TMEM119: variants seen among roughly 807,000 people sequenced by gnomAD.
TMEM119 encodes the protein transmembrane protein 119.
For synonymous variants in TMEM119, 182 were observed against 176.4 expected (o/e 1.03, Z -0.25); for missense variants, 410 against 381.0 (o/e 1.08, Z -0.63).
At chr12:108,597,858 A>G (rs2031530701) in intron 1 of TMEM119, 112 bp downstream of exon 1, 1 of 152,722 alleles carries the variant, frequency 6.5e-6, no homozygotes, top group African/African-American at 2.4e-5. Context: ...ACACACACTC[A>G]AAGCCCACAC....
In TMEM119 at chr12:108,592,318, A is replaced by G. The variant is rs1426565498; in HGVS notation, c.66T>C (p.Ala22=). Residue 22 remains alanine (A), a synonymous_variant, in exon 2 of 2, where the codon GCT becomes GCC. Transcript: ENST00000392806. The surrounding 1 kb of genome is among the most constrained non-coding windows in gnomAD (Gnocchi z 4.3). ...LLLLLLGSVP[A]TDARSVPLKA... ...TCAGGGGCACAGAGCGGGCGTCGGTAGCAGGCACAGACCCCAGGAGCAGCA... is the reference window on the plus strand; with the variant it reads ...TCAGGGGCACAGAGCGGGCGTCGGTGGCAGGCACAGACCCCAGGAGCAGCA... The G allele has an allele frequency of 6.3e-7, 1 of 1,598,046 alleles. No individual in the cohort carries two copies. The highest frequency in any genetic ancestry group is 8.5e-7 in the Non-Finnish European group (1 of 1,176,768).
chr12:108,591,267 C>T lies in TMEM119; in HGVS notation c.*265G>A. 2 of 407,142 alleles carry T rather than the reference C, an allele frequency of 4.9e-6. No individual in the cohort carries two copies. Among genetic ancestry groups the T allele is most frequent in the Non-Finnish European group, 4.3e-6 (1 of 230,814 alleles). The allele number at this position is 407,142 out of a possible 1,614,324, so 25.2% of individuals were successfully genotyped here. A position where few individuals can be genotyped will look rare whatever the true frequency, so the allele number is the denominator to read the frequency against. On this transcript the variant is annotated 3_prime_UTR_variant, in exon 2 of 2. Coordinates refer to ENST00000392806, the MANE Select transcript of TMEM119 (RefSeq NM_181724.3). This position sits in a 1 kb window ranked among gnomAD's most constrained non-coding sequence, Gnocchi z 4.2. ...TGGCTGTCACAGGGACACGTGCCCT[C>T]CCTCACTTTGTCAGGGGAGCTGTGC...
At position 108,590,015 on chromosome 12, in the gene TMEM119, TG is replaced by T. The variant is rs2031359538; in HGVS notation, c.*1516del. The T allele has an allele frequency of 6.6e-6, 1 of 152,216 alleles. No homozygotes were observed. The highest frequency in any genetic ancestry group is 2.1e-4 in the South Asian group (1 of 4,826). 9.4% of individuals were successfully genotyped at this position (152,216 alleles called of 1,614,324 possible). A position where few individuals can be genotyped will look rare whatever the true frequency, so the allele number is the denominator to read the frequency against. Reference sequence around the variant, plus strand: ...CTCCCTGTCGAGGACTGACGAATATTGTGGACACAGGCTGCCAGACAATGTG... The same window carrying T: ...CTCCCTGTCGAGGACTGACGAATATTTGGACACAGGCTGCCAGACAATGTG... On this transcript the variant is annotated 3_prime_UTR_variant, in exon 2 of 2. Transcript: ENST00000392806.
rs528443188 is a variant in TMEM119 at position 108,592,243 on chromosome 12, C to A, written c.141G>T (p.Ser47=). The A allele has an allele frequency of 1.9e-5, 30 of 1,602,988 alleles. No individual in the cohort carries two copies. Among genetic ancestry groups the A allele is most frequent in the Admixed American group, 1.5e-4 (9 of 58,896 alleles). ...DVAGSGEAEG[S]SASSPSLPPP... Reference sequence around the variant, plus strand: ...GCGGGAGGCTCGGGGAGGAGGCCGACGAGCCCTCGGCCTCCCCACTACCCG... The same window carrying A: ...GCGGGAGGCTCGGGGAGGAGGCCGAAGAGCCCTCGGCCTCCCCACTACCCG... The change falls in exon 2 of 2, where the codon TCG becomes TCT. Residue 47 remains serine (S), a synonymous_variant. Transcript: ENST00000392806. The surrounding 1 kb of genome is among the most constrained non-coding windows in gnomAD (Gnocchi z 4.3).
Position 108,591,499 on chromosome 12 carries a change from C to A in TMEM119, c.*33G>T. ...CACGGGGAGGTGACCACTTGGGGGC[C>A]CGACAGTCAGGGCTGGCAGCCCGGG... On this transcript the variant is annotated 3_prime_UTR_variant, in exon 2 of 2. Transcript: ENST00000392806. The surrounding 1 kb of genome is among the most constrained non-coding windows in gnomAD (Gnocchi z 4.2). 6.5e-7 allele frequency: 1 copy of A among 1,539,646 alleles called. No homozygotes were observed. Among genetic ancestry groups the A allele is most frequent in the South Asian group, 1.2e-5 (1 of 80,216 alleles).
intron 1 of TMEM119, among the ~76,000 whole-genome samples, chr12:108,595,391 T>A (rs1451894897): frequency 7.8e-6 from 1 of 128,094 alleles, no homozygotes; most frequent in Non-Finnish European, 1.6e-5. Context: ...CACACAACCA[T>A]GCACACACAT....
Position 108,593,953 on chromosome 12 carries a change from G to T in TMEM119, c.-14-1556C>A, listed in dbSNP as rs555401384. On this transcript the variant is annotated intron_variant, in intron 1 of 1. Transcript: ENST00000392806. ...GGTCTAGAAGCTTCAACACAGAAAA[G>T]CCTTAGGATCTCCTGTCCTGAGGCC... Among the ~76,000 whole-genome samples, 20 of 152,326 alleles carry T rather than the reference G, an allele frequency of 1.3e-4. No homozygotes were observed. The South Asian group carries it at 3.9e-3, about 30-fold the overall frequency.
intron 1 of TMEM119, among the ~76,000 whole-genome samples, chr12:108,595,176 T>G (rs975081035): frequency 2.0e-5 from 3 of 151,930 alleles, no homozygotes; most frequent in African/African-American, 7.3e-5. Context: ...TACACGCACA[T>G]TCACACAAAC....
At chr12:108,593,078 C>T (rs534452940) in intron 1 of TMEM119, among the ~76,000 whole-genome samples, 85 of 152,278 alleles carry the variant, frequency 5.6e-4, no homozygotes, top group African/African-American at 1.9e-3. Flanking sequence ...AGTGGCTCCG[C>T]GCGGCCACAA....
chr12:108,591,579 G>T lies in TMEM119; in HGVS notation c.805C>A (p.Pro269Thr). 6.2e-7 allele frequency: 1 copy of T among 1,612,904 alleles called. No homozygotes were observed. The highest frequency in any genetic ancestry group is 2.2e-5 in the East Asian group (1 of 44,882). Reference sequence around the variant, plus strand: ...CTGCAAGCACAGGGGCTTTCGGGGGGACCCACTGGTCCCTGGGCTTCCTGG... The same window carrying T: ...CTGCAAGCACAGGGGCTTTCGGGGGTACCCACTGGTCCCTGGGCTTCCTGG... ...LAQEAQGPVG[P>T]PESPCACSSV... The change falls in exon 2 of 2, where the codon CCC (proline) becomes ACC (threonine). Residue 269 changes from proline to threonine, a missense_variant. Coordinates refer to ENST00000392806, the MANE Select transcript of TMEM119 (RefSeq NM_181724.3). The surrounding 1 kb of genome is among the most constrained non-coding windows in gnomAD (Gnocchi z 4.2).
intron 1 of TMEM119, among the ~76,000 whole-genome samples, chr12:108,597,062 G>T (rs2031515493): frequency 6.6e-6 from 1 of 152,234 alleles, no homozygotes; most frequent in Non-Finnish European, 1.5e-5. Flanking sequence ...ATGCGGCCAT[G>T]CCTGGTGCAC....
Position 108,592,532 on chromosome 12 carries a change from T to G in TMEM119, c.-14-135A>C. ...GCAAGTCCCTTCCATTCCCAGGGCC[T>G]GAGCCCCGCTGGTTCAGCTGTGGAG... On this transcript the variant is annotated intron_variant, in intron 1 of 1. Transcript: ENST00000392806. The surrounding 1 kb of genome is among the most constrained non-coding windows in gnomAD (Gnocchi z 4.3). 2.0e-6 allele frequency: 2 copies of G among 988,678 alleles called. No homozygotes were observed. The highest frequency in any genetic ancestry group is 1.4e-6 in the Non-Finnish European group (1 of 692,138). The allele number at this position is 988,678 out of a possible 1,614,324, so 61.2% of individuals were successfully genotyped here.
rs1348081860 is a variant in TMEM119, at chr12:108,590,587, C to T, written c.*945G>A. On this transcript the variant is annotated 3_prime_UTR_variant, in exon 2 of 2. Transcript: ENST00000392806. ...TGGTGGGCACCTGTAATCCCAGCTA[C>T]TGAGGCGGGAGAATCGCTTGAACCT... 1.3e-5 allele frequency: 2 copies of T among 152,202 alleles called. No homozygotes were observed. The highest frequency in any genetic ancestry group is 1.3e-4 in the Admixed American group (2 of 15,286). 9.4% of individuals were successfully genotyped at this position (152,202 alleles called of 1,614,324 possible).
At position 108,591,671 on chromosome 12, in the gene TMEM119, C is replaced by G. The variant is rs1364755265; in HGVS notation, c.713G>C (p.Gly238Ala). The G allele has an allele frequency of 6.2e-7, 1 of 1,613,988 alleles. No individual in the cohort carries two copies. The highest frequency in any genetic ancestry group is 2.2e-5 in the East Asian group (1 of 44,858). ...TPEAQEEPCS[G>A]VLEGAVVAGE... ...GGCCACCACAGCCCCCTCAAGGACC[C>G]CTGAGCACGGCTCCTCCTGCGCCTC... The change falls in exon 2 of 2, where the codon GGG (glycine) becomes GCG (alanine). Residue 238 changes from glycine to alanine, a missense_variant. Transcript: ENST00000392806. This position sits in a 1 kb window ranked among gnomAD's most constrained non-coding sequence, Gnocchi z 4.2.
Position 108,590,368 on chromosome 12 carries a change from G to A in TMEM119, c.*1164C>T, listed in dbSNP as rs2031367024. 6.6e-6 allele frequency: 1 copy of A among 152,202 alleles called. No individual in the cohort carries two copies. The highest frequency in any genetic ancestry group is 6.5e-5 in the Admixed American group (1 of 15,278). 9.4% of individuals were successfully genotyped at this position (152,202 alleles called of 1,614,324 possible). A position where few individuals can be genotyped will look rare whatever the true frequency, so the allele number is the denominator to read the frequency against. On this transcript the variant is annotated 3_prime_UTR_variant, in exon 2 of 2. Transcript: ENST00000392806. ...AATTAAGAGCAGTATTTTCCAGAGTGGGTGCTGCAGGATTTTACCCTGTAG... is the reference window on the plus strand; with the variant it reads ...AATTAAGAGCAGTATTTTCCAGAGTAGGTGCTGCAGGATTTTACCCTGTAG...
rs2031383752 is a variant in TMEM119, at chr12:108,591,016, A to G, written c.*516T>C. On this transcript the variant is annotated 3_prime_UTR_variant, in exon 2 of 2. Transcript: ENST00000392806. The surrounding 1 kb of genome is among the most constrained non-coding windows in gnomAD (Gnocchi z 4.2). ...CTCCCACTTATTCTTTGCTCCCTTGATGGAAAAGCAGTGATGTTTGCCCCA... is the reference window on the plus strand; with the variant it reads ...CTCCCACTTATTCTTTGCTCCCTTGGTGGAAAAGCAGTGATGTTTGCCCCA... 2 of 152,574 alleles carry G rather than the reference A, an allele frequency of 1.3e-5. No individual in the cohort carries two copies. The highest frequency in any genetic ancestry group is 1.3e-4 in the Admixed American group (2 of 15,290). 9.5% of individuals were successfully genotyped at this position (152,574 alleles called of 1,614,324 possible).
chr12:108,595,480 C>A (rs1243062356), intron 1 of TMEM119, among the ~76,000 whole-genome samples: 1 of 150,892 alleles, frequency 6.6e-6, no homozygotes, highest in Admixed American at 6.6e-5. Context: ...GCACACACAC[C>A]CCACACACAA....
In TMEM119 at chr12:108,591,652, C is replaced by T. The variant is rs755524100; in HGVS notation, c.732G>A (p.Val244=). ...EPCSGVLEGA[V]VAGEGQGELE... ...GCTCCCCTTGGCCCTCACCGGCCAC[C>T]ACAGCCCCCTCAAGGACCCCTGAGC... is the stretch of plus-strand genomic sequence containing the variant. Residue 244 remains valine, a synonymous_variant, in exon 2 of 2, where the codon GTG becomes GTA. Transcript: ENST00000392806. The surrounding 1 kb of genome is among the most constrained non-coding windows in gnomAD (Gnocchi z 4.2). 22 of 1,613,926 alleles carry T rather than the reference C, an allele frequency of 1.4e-5. No homozygotes were observed. Among genetic ancestry groups the T allele is most frequent in the Non-Finnish European group, 1.9e-5 (22 of 1,180,008 alleles).
At chr12:108,593,554 C>T (rs562796470) in intron 1 of TMEM119, among the ~76,000 whole-genome samples, 3 of 152,306 alleles carry the variant, frequency 2.0e-5, no homozygotes, top group South Asian at 2.1e-4. Flanking sequence ...TGTGGCTGCC[C>T]TCACCCCCAG....
Sources: gnomAD v4.1 joint callset for allele counts (sites outside exome capture counted in the v4.1 genomes callset) on GRCh38, gnomAD v4.1.1 for gene constraint, Gnocchi (gnomAD v3.1) non-coding constraint, MANE v1.5 for transcripts, NCBI Gene and HGNC (gene_info 2026-07-23, HGNC 2026-07-21) for gene names.